The following CAMKMT variants were observed in gnomAD, a reference collection of about 807,000 sequenced individuals.
CAMKMT encodes the protein calmodulin-lysine N-methyltransferase.
Under a neutral mutation model 48.0 loss-of-function variants are expected in CAMKMT, and 53 were observed. That is an observed-to-expected ratio of 1.10 (90% CI 0.89 to 1.39). CAMKMT has a LOEUF of 1.39. CAMKMT is among the 40% of genes most tolerant of loss of function. The pLI is 0.00. For missense variants in CAMKMT, 428 were observed against 402.7 expected (o/e 1.06, Z -0.54); for synonymous variants, 165 against 152.3 (o/e 1.08, Z -0.61).
chr2:44,614,457 G>GC (rs1365125264), intron 3 of CAMKMT, among the ~76,000 whole-genome samples: 1 of 152,156 alleles, frequency 6.6e-6, no homozygotes, highest in Non-Finnish European at 1.5e-5. Flanking sequence ...TGTTTTCCAG[G>GC]CACATGGAAG....
rs1048461469 is a variant in CAMKMT at position 44,466,390 on chromosome 2, A to G, written c.376+76085A>G. Among the ~76,000 whole-genome samples, 12 of 152,358 alleles carry G rather than the reference A, an allele frequency of 7.9e-5. 1 individual carries two copies. The East Asian group carries it at 2.3e-3, about 29-fold the overall frequency. On this transcript the variant is annotated intron_variant, in intron 3 of 10. Coordinates refer to ENST00000378494, the MANE Select transcript of CAMKMT (RefSeq NM_024766.5). ...TCAAAAGGGAAACTGGAAAATTCAT[A>G]AATATGTGGTGATTAATCAACACAC...
intron 3 of CAMKMT, chr2:44,676,480 A>C (rs1404209668): frequency 6.6e-6 from 1 of 152,256 alleles, no homozygotes; most frequent in African/African-American, 2.4e-5. Flanking sequence ...TTTCCCAGTC[A>C]TCTGGACCCT....
intron 2 of CAMKMT, among the ~76,000 whole-genome samples, chr2:44,376,699 A>G (rs948648584): frequency 5.3e-5 from 8 of 152,204 alleles, no homozygotes; most frequent in Non-Finnish European, 5.9e-5. Flanking sequence ...TGTGAATTCA[A>G]AATACCTAGT....
chr2:44,475,496 T>C (rs980589789), intron 3 of CAMKMT, among the ~76,000 whole-genome samples: 1 of 152,072 alleles, frequency 6.6e-6, no homozygotes, highest in Non-Finnish European at 1.5e-5. Flanking sequence ...TTTTGTTGTT[T>C]TAGTAGAGAT....
chr2:44,742,060 T>C (rs147047171), intron 7 of CAMKMT, among the ~76,000 whole-genome samples: 2,699 of 152,238 alleles, frequency 0.018, 36 homozygotes, highest in South Asian at 0.031. Flanking sequence ...CTTTAAACCA[T>C]CTTGCTCATG....
At chr2:44,530,483 T>C (rs769039064) in intron 3 of CAMKMT, among the ~76,000 whole-genome samples, 3 of 152,182 alleles carry the variant, frequency 2.0e-5, no homozygotes, top group Non-Finnish European at 4.4e-5. Flanking sequence ...CTGAAAAGAT[T>C]AGCTACATTG....
At chr2:44,525,563 T>G in intron 3 of CAMKMT, among the ~76,000 whole-genome samples, 1 of 152,238 alleles carries the variant, frequency 6.6e-6, no homozygotes, top group South Asian at 2.1e-4. Flanking sequence ...TGAGATATTC[T>G]TTTCTTTTGA....
chr2:44,669,131 A>T (rs759315538), intron 3 of CAMKMT, among the ~76,000 whole-genome samples: 2 of 152,192 alleles, frequency 1.3e-5, no homozygotes, highest in Non-Finnish European at 2.9e-5. Flanking sequence ...TACAATATAC[A>T]TATGTATCCC....
At chr2:44,537,361 A>T (rs887229522) in intron 3 of CAMKMT, among the ~76,000 whole-genome samples, 1 of 152,196 alleles carries the variant, frequency 6.6e-6, no homozygotes, top group African/African-American at 2.4e-5. Flanking sequence ...GAGAAGGGAC[A>T]TGAATATACA....
At chr2:44,415,034 C>G (rs1017309126) in intron 3 of CAMKMT, among the ~76,000 whole-genome samples, 2 of 152,186 alleles carry the variant, frequency 1.3e-5, no homozygotes, top group Admixed American at 6.5e-5. Flanking sequence ...TGCCTGTAGT[C>G]CTAGCTACTC....
chr2:44,731,855 C>G (rs1012177240), intron 7 of CAMKMT, among the ~76,000 whole-genome samples: 1 of 152,220 alleles, frequency 6.6e-6, no homozygotes, highest in African/African-American at 2.4e-5. Context: ...TGCGTTTGAA[C>G]TCAGAGCTAT....
intron 3 of CAMKMT, among the ~76,000 whole-genome samples, chr2:44,426,057 T>A (rs1186972572): frequency 6.6e-6 from 1 of 152,212 alleles, no homozygotes. Context: ...AGCAGAAAAC[T>A]TAATAGCTTT....
intron 3 of CAMKMT, among the ~76,000 whole-genome samples, chr2:44,634,252 C>G (rs891223110): frequency 6.6e-6 from 1 of 151,886 alleles, no homozygotes; most frequent in African/African-American, 2.4e-5. Flanking sequence ...AAAATTCCAG[C>G]CACCTCAGCC....
intron 3 of CAMKMT, among the ~76,000 whole-genome samples, chr2:44,523,751 GA>G (rs1671250027): frequency 1.3e-5 from 2 of 149,824 alleles, no homozygotes; most frequent in Admixed American, 6.7e-5. Flanking sequence ...GTTCAGAGAA[GA>G]GCCTCCAGAG....
At chr2:44,374,579 G>A (rs1305580739) in intron 2 of CAMKMT, among the ~76,000 whole-genome samples, 1 of 152,194 alleles carries the variant, frequency 6.6e-6, no homozygotes, top group Non-Finnish European at 1.5e-5. Flanking sequence ...CAGTGAGAAT[G>A]TGAAATAGTC....
chr2:44,510,805 C>T (rs910019769), intron 3 of CAMKMT, among the ~76,000 whole-genome samples: 11 of 152,014 alleles, frequency 7.2e-5, no homozygotes, highest in Non-Finnish European at 1.5e-5. Flanking sequence ...CCTCACCTCC[C>T]TGTCAACCTT....
intron 7 of CAMKMT, chr2:44,723,607 CATAAATAAATAAATAAATAA>C (rs142919891): frequency 2.3e-4 from 31 of 134,236 alleles, no homozygotes; most frequent in Middle Eastern, 3.8e-3. Flanking sequence ...TAAATACATA[CATAAATAAATAAATAAATAA>C]ATAAATAAAT....
At chr2:44,762,733 A>G (rs1204490192) in intron 9 of CAMKMT, among the ~76,000 whole-genome samples, 1 of 152,224 alleles carries the variant, frequency 6.6e-6, no homozygotes, top group African/African-American at 2.4e-5. Context: ...GTAAGTATAG[A>G]TTAGTCTAGC....
chr2:44,757,323 A>G (rs1266968678), intron 9 of CAMKMT, among the ~76,000 whole-genome samples: 3 of 152,170 alleles, frequency 2.0e-5, no homozygotes, highest in Non-Finnish European at 4.4e-5. Context: ...GCTCTCATAG[A>G]GTTCTATCAG....
Sources: allele counts gnomAD v4.1 joint callset (sites outside exome capture counted in the v4.1 genomes callset), GRCh38; gene constraint gnomAD v4.1.1; transcripts MANE v1.5; gene names NCBI Gene and HGNC (gene_info 2026-07-23, HGNC 2026-07-21).